The following PTPRE variants were observed in gnomAD, a reference collection of about 807,000 sequenced individuals.
PTPRE encodes protein tyrosine phosphatase receptor type E.
Under a neutral mutation model 102.0 loss-of-function variants are expected in PTPRE, and 51 were observed. The observed-to-expected ratio is 0.50, with a 90% confidence interval of 0.40 to 0.63. PTPRE has a LOEUF of 0.63. Ranked by LOEUF, PTPRE falls within the 30% of genes least tolerant of loss-of-function variation. PTPRE has a pLI of 0.00. For missense variants in PTPRE, 752 were observed against 915.1 expected (o/e 0.82, Z 2.30); for synonymous variants, 345 against 348.2 (o/e 0.99, Z 0.10).
At chr10:128,034,515 C>A (rs763217783) in intron 2 of PTPRE, among the ~76,000 whole-genome samples, 5 of 115,128 alleles carry the variant, frequency 4.3e-5, no homozygotes, top group Non-Finnish European at 8.1e-5. Context: ...CATAGTGAGA[C>A]CCCCCCCATC....
At chr10:127,931,097 T>A (rs990551074) in intron 1 of PTPRE, among the ~76,000 whole-genome samples, 5 of 152,112 alleles carry the variant, frequency 3.3e-5, no homozygotes, top group African/African-American at 4.8e-5. Context: ...GGCCCGCCAG[T>A]TGTTTTTTCC....
intron 6 of PTPRE, among the ~76,000 whole-genome samples, chr10:128,050,704 T>A (rs1255072433): frequency 2.0e-5 from 3 of 152,242 alleles, no homozygotes; most frequent in Non-Finnish European, 4.4e-5. Flanking sequence ...GCACATCAGT[T>A]AATTTCCTTG....
rs1305122192 is a variant in PTPRE, at chr10:128,084,557, C to T, written c.*1651C>T. The T allele has an allele frequency of 6.6e-6, 1 of 152,280 alleles. No homozygotes were observed. Among genetic ancestry groups the T allele is most frequent in the East Asian group, 1.9e-4 (1 of 5,186 alleles). The allele number at this position is 152,280 out of a possible 1,614,324, so 9.4% of individuals were successfully genotyped here. A position where few individuals can be genotyped will look rare whatever the true frequency, so the allele number is the denominator to read the frequency against. ...GGACGAAAGCACACTTTGTGACCGC[C>T]ATCCTCACCAGCTGCATGCCTGGGC... On this transcript the variant is annotated 3_prime_UTR_variant, in exon 21 of 21. Transcript: ENST00000254667.
intron 2 of PTPRE, among the ~76,000 whole-genome samples, chr10:128,016,423 C>G (rs1451716315): frequency 6.6e-6 from 1 of 152,034 alleles, no homozygotes; most frequent in Non-Finnish European, 1.5e-5. Flanking sequence ...TGGTGAGAAC[C>G]TAAAACTACT....
At chr10:128,058,963 G>A (rs537090617) in intron 7 of PTPRE, among the ~76,000 whole-genome samples, 4 of 152,326 alleles carry the variant, frequency 2.6e-5, no homozygotes, top group African/African-American at 9.6e-5. Flanking sequence ...ACTTTTGCCT[G>A]TAGAAAGACT....
At chr10:127,909,918 A>T (rs1845753405) in intron 1 of PTPRE, among the ~76,000 whole-genome samples, 1 of 152,162 alleles carries the variant, frequency 6.6e-6, no homozygotes, top group African/African-American at 2.4e-5. Flanking sequence ...CCTTCTGGAG[A>T]TGCTGGACTC....
chr10:127,918,212 T>A (rs1264700118), intron 1 of PTPRE, among the ~76,000 whole-genome samples: 1 of 152,122 alleles, frequency 6.6e-6, no homozygotes, highest in East Asian at 1.9e-4. Context: ...CCATGACTCT[T>A]ATCTAAAGAC....
intron 1 of PTPRE, among the ~76,000 whole-genome samples, chr10:127,977,201 G>C (rs1851246190): frequency 6.6e-6 from 1 of 152,198 alleles, no homozygotes. Context: ...AGAGAAGGCA[G>C]CCAGGATTGA....
chr10:128,000,266 C>A lies in PTPRE; in HGVS notation c.-8+17970C>A, dbSNP rs140818511. ...ATTGATACTTAACGTATAAGTAATCCCTCTTTCACCTAAAATAAAAGAGCT... is the reference window on the plus strand; with the variant it reads ...ATTGATACTTAACGTATAAGTAATCACTCTTTCACCTAAAATAAAAGAGCT... On this transcript the variant is annotated intron_variant, in intron 2 of 20. Transcript: ENST00000254667. 9.8e-3 allele frequency among the ~76,000 whole-genome samples: 1,488 copies of A among 152,086 alleles called. 13 individuals carry two copies. Among genetic ancestry groups the A allele is most frequent in the Middle Eastern group, 0.017 (5 of 292 alleles).
chr10:127,908,376 AGATG>A (rs1845636791), intron 1 of PTPRE, among the ~76,000 whole-genome samples: 1 of 144,172 alleles, frequency 6.9e-6, no homozygotes, highest in Non-Finnish European at 1.5e-5. Context: ...TGTGTCCCAA[AGATG>A]GATGAAGTTC....
intron 3 of PTPRE, among the ~76,000 whole-genome samples, chr10:128,043,633 C>A (rs1374796579): frequency 6.6e-6 from 1 of 152,166 alleles, no homozygotes; most frequent in East Asian, 1.9e-4. Flanking sequence ...GGCGTACAGG[C>A]TAACACAGAA....
chr10:127,917,656 A>C (rs12780351), intron 1 of PTPRE, among the ~76,000 whole-genome samples: 71,019 of 151,850 alleles, frequency 0.47, 18,186 homozygotes, highest in African/African-American at 0.7. Flanking sequence ...CAGAGCGAGA[A>C]CCTGTCTCAA....
chr10:128,072,869 T>C (rs1319585295), intron 16 of PTPRE, among the ~76,000 whole-genome samples: 2 of 152,212 alleles, frequency 1.3e-5, no homozygotes, highest in Admixed American at 1.3e-4. Context: ...AATACAATTA[T>C]GTGTTCAGGG....
At chr10:128,061,790 A>C in intron 9 of PTPRE, 75 bp downstream of exon 9, 2 of 1,510,160 alleles carry the variant, frequency 1.3e-6, no homozygotes, top group South Asian at 2.5e-5. Context: ...GTATGCCAAC[A>C]AGACCAAGGA....
chr10:127,935,010 C>G (rs972671116), intron 1 of PTPRE: 12 of 152,424 alleles, frequency 7.9e-5, no homozygotes, highest in African/African-American at 2.4e-4. Flanking sequence ...CGTGCCTCTA[C>G]ATACCTCTGT....
chr10:127,992,164 G>T (rs988117512), intron 2 of PTPRE, among the ~76,000 whole-genome samples: 4 of 152,172 alleles, frequency 2.6e-5, no homozygotes, highest in Non-Finnish European at 5.9e-5. Flanking sequence ...AGAAAGGGAG[G>T]CTGGAGGGGC....
intron 1 of PTPRE, among the ~76,000 whole-genome samples, chr10:127,916,701 G>A (rs1036062017): frequency 6.6e-5 from 10 of 152,252 alleles, no homozygotes; most frequent in South Asian, 2.1e-4. Flanking sequence ...GGACAGAGGG[G>A]ATGGGACAAA....
chr10:127,935,971 C>A (rs1847820880), intron 1 of PTPRE: 1 of 152,258 alleles, frequency 6.6e-6, no homozygotes, highest in South Asian at 2.1e-4. Context: ...CAGGTGCCTT[C>A]CTAATGTGCA....
intron 2 of PTPRE, among the ~76,000 whole-genome samples, chr10:128,040,325 C>A (rs1363107861): frequency 6.6e-6 from 1 of 152,122 alleles, no homozygotes; most frequent in East Asian, 1.9e-4. Flanking sequence ...TTGGCTGCAG[C>A]TGGGTGATGA....
Sources: allele counts gnomAD v4.1 joint callset (sites outside exome capture counted in the v4.1 genomes callset), GRCh38; gene constraint gnomAD v4.1.1; transcripts MANE v1.5; gene names NCBI Gene and HGNC (gene_info 2026-07-23, HGNC 2026-07-21).